Variants in TEX11 observed in about 807,000 individuals in gnomAD.
TEX11 encodes testis expressed 11.
Under a neutral mutation model 84.4 loss-of-function variants are expected in TEX11, and 7 were observed. The ratio of observed to expected loss-of-function variants is 0.08; its 90% CI spans 0.05 to 0.16. The LOEUF is 0.16. Ranked by LOEUF, TEX11 falls within the 10% of genes least tolerant of loss-of-function variation. TEX11 has a pLI of 1.00. For synonymous variants in TEX11, 264 were observed against 222.8 expected (o/e 1.18, Z -1.64); for missense variants, 551 against 660.5 (o/e 0.83, Z 1.82).
chrX:70,725,657 G>A (rs758108430), intron 11 of TEX11, among the ~76,000 whole-genome samples: 37 of 111,901 alleles, frequency 3.3e-4, no homozygotes, highest in Middle Eastern at 4.6e-3. Flanking sequence ...CCACAAACCG[G>A]CTAGTTTTAT....
chrX:70,711,199 T>G (rs1446405296), intron 13 of TEX11, among the ~76,000 whole-genome samples: 1 of 111,575 alleles, frequency 9.0e-6, no homozygotes, highest in Non-Finnish European at 1.9e-5. Context: ...TGATGGACAT[T>G]TGGGTTGGTT....
intron 9 of TEX11, among the ~76,000 whole-genome samples, chrX:70,750,925 AAAAAAAAAATATATAT>A (rs1412644899): frequency 4.6e-5 from 1 of 21,803 alleles, no homozygotes; most frequent in African/African-American, 1.6e-4. Context: ...GTATAATAAA[AAAAAAAAAATATATAT>A]ATATATATAT....
chrX:70,769,364 C>T (rs2090958859), intron 9 of TEX11, among the ~76,000 whole-genome samples: 1 of 111,286 alleles, frequency 9.0e-6, no homozygotes, highest in Non-Finnish European at 1.9e-5. Flanking sequence ...CAAATTACTA[C>T]AATCAAGAAT....
chrX:70,795,328 A>T (rs1361033411), intron 9 of TEX11, among the ~76,000 whole-genome samples: 1 of 110,639 alleles, frequency 9.0e-6, no homozygotes, highest in Non-Finnish European at 1.9e-5. Context: ...AAGGAGCACC[A>T]GGTAGCTCCC....
At chrX:70,521,437 C>T in the TEX11 span, among the ~76,000 whole-genome samples, 5 of 110,619 alleles carry the variant, frequency 4.5e-5, no homozygotes, top group East Asian at 2.9e-4. Context: ...CTACCATGCC[C>T]GGCTAATTTT....
chrX:70,793,708 A>G (rs2091138644), intron 9 of TEX11, among the ~76,000 whole-genome samples: 1 of 111,673 alleles, frequency 9.0e-6, no homozygotes, highest in African/African-American at 3.3e-5. Flanking sequence ...AGTCTCAAGT[A>G]TTTATAGCAA....
intron 25 of TEX11, among the ~76,000 whole-genome samples, chrX:70,570,768 T>C (rs1348826810): frequency 1.8e-5 from 2 of 111,218 alleles, no homozygotes; most frequent in Non-Finnish European, 3.8e-5. Context: ...GGGAAAGTAA[T>C]TTTGGTAGCT....
chrX:70,824,569 T>C (rs766184392), intron 8 of TEX11, among the ~76,000 whole-genome samples: 6 of 110,650 alleles, frequency 5.4e-5, no homozygotes, highest in Non-Finnish European at 3.8e-5. Context: ...GTCTTCCTAC[T>C]GCTTGGCCCC....
At chrX:70,873,376 G>C in intron 3 of TEX11, 69 bp from the exon 4 acceptor site, 1 of 731,558 alleles carries the variant, frequency 1.4e-6, no homozygotes, top group Admixed American at 2.3e-5. Flanking sequence ...TTTCATTCTT[G>C]AATGTTGTAT....
chrX:70,778,466 A>G (rs2091015280), intron 9 of TEX11, among the ~76,000 whole-genome samples: 2 of 111,127 alleles, frequency 1.8e-5, no homozygotes, highest in African/African-American at 3.3e-5. Flanking sequence ...AACAACAACA[A>G]CAACAAAAAA....
At chrX:70,546,990 A>G (rs758982234) in intron 28 of TEX11, among the ~76,000 whole-genome samples, 1 of 104,009 alleles carries the variant, frequency 9.6e-6, no homozygotes, top group African/African-American at 3.5e-5. Flanking sequence ...ACAGATAAAC[A>G]AAGTGTGTTA....
chrX:70,725,191 A>G (rs1164377634), intron 12 of TEX11, 71 bp downstream of exon 12: 7 of 740,215 alleles, frequency 9.5e-6, no homozygotes, highest in Admixed American at 8.6e-5. Context: ...AGTATACTAC[A>G]AAAGATCTTA....
At chrX:70,758,609 A>T (rs1261329302) in intron 9 of TEX11, among the ~76,000 whole-genome samples, 1 of 112,309 alleles carries the variant, frequency 8.9e-6, no homozygotes, top group Non-Finnish European at 1.9e-5. Context: ...TCTGGGACAC[A>T]TTTAAAGCAG....
At chrX:70,530,070 C>T in intron 28 of TEX11, 71 bp from the exon 29 acceptor site, 1 of 934,335 alleles carries the variant, frequency 1.1e-6, no homozygotes, top group Non-Finnish European at 1.5e-6. Context: ...TGTATCCATG[C>T]TATGTCCCTT....
intron 24 of TEX11, among the ~76,000 whole-genome samples, chrX:70,593,783 A>G (rs2088967071): frequency 9.0e-6 from 1 of 111,372 alleles, no homozygotes; most frequent in African/African-American, 3.3e-5. Flanking sequence ...TTGACTTAGC[A>G]GAGGAAGCAA....
chrX:70,553,349 A>G lies in TEX11; in HGVS notation c.2356T>C (p.Leu786=), dbSNP rs1268552108. Residue 786 remains leucine (L), a synonymous_variant, in exon 27 of 30, where the codon TTG becomes CTG. Transcript: ENST00000374333. ...IALKALKKAL[L]LYKKEEPIDI... Reference sequence around the variant, plus strand: ...ATTGGTTCTTCCTTTTTGTAGAGCAATAAAGCCTTTTTCAAGGCCTTGAGA... The same window carrying G: ...ATTGGTTCTTCCTTTTTGTAGAGCAGTAAAGCCTTTTTCAAGGCCTTGAGA... 2 of 1,209,169 alleles carry G rather than the reference A, an allele frequency of 1.7e-6. No individual in the cohort carries two copies. The highest frequency in any genetic ancestry group is 2.2e-6 in the Non-Finnish European group (2 of 893,749).
chrX:70,798,033 G>GC (rs1390952845), intron 9 of TEX11, among the ~76,000 whole-genome samples: 1 of 103,086 alleles, frequency 9.7e-6, no homozygotes, highest in African/African-American at 3.5e-5. Flanking sequence ...ATGAGGGGGG[G>GC]GGAAAGGCAT....
intron 28 of TEX11, among the ~76,000 whole-genome samples, chrX:70,538,457 C>T (rs916047096): frequency 1.8e-5 from 2 of 110,941 alleles, no homozygotes; most frequent in African/African-American, 6.6e-5. Flanking sequence ...ACCTCAATTC[C>T]AGTCTCAGGG....
At chrX:70,628,823 T>G (rs2089477412) in intron 18 of TEX11, among the ~76,000 whole-genome samples, 1 of 112,376 alleles carries the variant, frequency 8.9e-6, no homozygotes, top group African/African-American at 3.2e-5. Context: ...AAAGCAATTA[T>G]CTTTTTAAAG....
Sources: gnomAD v4.1 joint callset for allele counts (sites outside exome capture counted in the v4.1 genomes callset) on GRCh38, gnomAD v4.1.1 for gene constraint, MANE v1.5 for transcripts, NCBI Gene and HGNC (gene_info 2026-07-23, HGNC 2026-07-21) for gene names.